The following WDR59 variants were observed in gnomAD, a reference collection of about 807,000 sequenced individuals.
WDR59 encodes the protein WD repeat domain 59.
Under a neutral mutation model 131.2 loss-of-function variants are expected in WDR59, and 100 were observed. The observed-to-expected ratio is 0.76, with a 90% CI of 0.65 to 0.90. The LOEUF (loss-of-function observed/expected upper bound fraction) is 0.90. WDR59 is among the 40% of genes least tolerant of loss of function. The pLI is 0.00. For missense variants in WDR59, 1,203 were observed against 1,262.2 expected (o/e 0.95, Z 0.71); for synonymous variants, 601 against 466.2 (o/e 1.29, Z -3.72).
At position 74,896,504 on chromosome 16, in the gene WDR59, G is replaced by A. The variant is rs969667581; in HGVS notation, c.1867-2692C>T. ...ACAAAAATTAGCAGGGCATGGGGGC[G>A]TGGACCTGTGGTCCCAGCTATTCGG... On this transcript the variant is annotated intron_variant, in intron 18 of 25. Coordinates refer to ENST00000262144, the MANE Select transcript of WDR59 (RefSeq NM_030581.4). 5.9e-5 allele frequency among the ~76,000 whole-genome samples: 9 copies of A among 152,178 alleles called. No homozygotes were observed. In the South Asian group the frequency reaches 1.2e-3, roughly 21 times the overall value.
At chr16:74,979,907 G>A (rs2034335458) in intron 1 of WDR59, among the ~76,000 whole-genome samples, 1 of 139,810 alleles carries the variant, frequency 7.2e-6, no homozygotes, top group Non-Finnish European at 1.5e-5. Context: ...GGAGTGCAAT[G>A]GCGTGATCTC....
intron 8 of WDR59, among the ~76,000 whole-genome samples, chr16:74,929,016 AG>A (rs2031137709): frequency 1.3e-5 from 2 of 152,146 alleles, no homozygotes; most frequent in African/African-American, 4.8e-5. Flanking sequence ...ACAACTCAAT[AG>A]GAAAAAAATC....
intron 18 of WDR59, among the ~76,000 whole-genome samples, chr16:74,897,471 T>C (rs1197860269): frequency 6.6e-6 from 1 of 152,258 alleles, no homozygotes; most frequent in African/African-American, 2.4e-5. Context: ...GATGCAAATA[T>C]AGACAGTGGT....
chr16:74,926,101 C>A (rs1187947975), intron 8 of WDR59, among the ~76,000 whole-genome samples: 2 of 147,094 alleles, frequency 1.4e-5, no homozygotes, highest in Non-Finnish European at 3.0e-5. Context: ...CTCTTGTTGC[C>A]CAGGCTGGAG....
Position 74,893,780 on chromosome 16 carries a change from T to C in WDR59, c.1899A>G (p.Gly633=), listed in dbSNP as rs1211620955. The C allele has an allele frequency of 2.5e-6, 4 of 1,614,042 alleles. No homozygotes were observed. The highest frequency in any genetic ancestry group is 4.5e-5 in the East Asian group (2 of 44,894). The change falls in exon 19 of 26, where the codon GGA becomes GGG. Residue 633 remains glycine (G), a synonymous_variant. Coordinates refer to ENST00000262144, the MANE Select transcript of WDR59 (RefSeq NM_030581.4). ...TGATCTGTCGATTGCCAGAGTCTGA[T>C]CCCTCACGCTTACTTTTCCATCGTC... is the stretch of plus-strand genomic sequence containing the variant. The part of the protein sequence containing the change: ...KSRRWKSKRE[G]SDSGNRQIKA...
chr16:74,942,124 A>G (rs1297355451), intron 7 of WDR59, among the ~76,000 whole-genome samples: 1 of 152,038 alleles, frequency 6.6e-6, no homozygotes, highest in Non-Finnish European at 1.5e-5. Flanking sequence ...TAGACTTTCC[A>G]TTACAGCCAC....
chr16:74,942,300 T>C (rs2032296351), intron 7 of WDR59, among the ~76,000 whole-genome samples: 1 of 152,084 alleles, frequency 6.6e-6, no homozygotes, highest in African/African-American at 2.4e-5. Context: ...ATTGGAAGTA[T>C]TCAGGATGGC....
At chr16:74,974,851 G>A (rs941505558) in intron 1 of WDR59, among the ~76,000 whole-genome samples, 2 of 152,162 alleles carry the variant, frequency 1.3e-5, no homozygotes, top group African/African-American at 4.8e-5. Context: ...AGCATATACT[G>A]TGTGCGTCTA....
chr16:74,910,121 C>G (rs1018865362), intron 14 of WDR59, among the ~76,000 whole-genome samples: 4 of 151,992 alleles, frequency 2.6e-5, no homozygotes, highest in African/African-American at 9.7e-5. Flanking sequence ...GCGCCCACCC[C>G]CATGCCTGGC....
Position 74,922,091 on chromosome 16 carries a change from C to T in WDR59, c.742G>A (p.Gly248Arg). 1 of 1,614,118 alleles carries T rather than the reference C, an allele frequency of 6.2e-7. No homozygotes were observed. The highest frequency in any genetic ancestry group is 8.5e-7 in the Non-Finnish European group (1 of 1,180,002). Residue 248 changes from glycine (G) to arginine (R), a missense_variant, in exon 10 of 26, where the codon GGA (glycine) becomes AGA (arginine). Coordinates refer to ENST00000262144, the MANE Select transcript of WDR59 (RefSeq NM_030581.4). ...WKARYTPFSN[G>R]LVTVMVPQLR... Reference sequence around the variant, plus strand: ...TGGGGAACCATCACAGTCACCAATCCATTGCTGAAAGGCTAAGGCAGGGAA... The same window carrying T: ...TGGGGAACCATCACAGTCACCAATCTATTGCTGAAAGGCTAAGGCAGGGAA...
intron 17 of WDR59, among the ~76,000 whole-genome samples, chr16:74,905,636 T>C (rs13330560): frequency 0.031 from 4,690 of 151,368 alleles, 223 homozygotes; most frequent in African/African-American, 0.1. Flanking sequence ...GAGCCAAGAT[T>C]GCACCACTGC....
chr16:74,913,841 T>C (rs535793194), intron 13 of WDR59, among the ~76,000 whole-genome samples: 44 of 152,230 alleles, frequency 2.9e-4, no homozygotes, highest in Non-Finnish European at 5.3e-4. Flanking sequence ...GAATATGTTC[T>C]GGAATCAGAC....
rs1964074344 is a variant in WDR59, at chr16:74,873,880, T to TA, written c.*328dup. ...GCTCGGTGGTTTAAGGCTAACACCT[T>TA]ACAGGGTAACACTGTAACACTGGCC... On this transcript the variant is annotated 3_prime_UTR_variant, in exon 26 of 26. Coordinates refer to ENST00000262144, the MANE Select transcript of WDR59 (RefSeq NM_030581.4). 3 of 293,176 alleles carry TA rather than the reference T, an allele frequency of 1.0e-5. No homozygotes were observed. The highest frequency in any genetic ancestry group is 2.0e-5 in the Non-Finnish European group (3 of 153,844). 18.2% of individuals were successfully genotyped at this position (293,176 alleles called of 1,614,324 possible). A position where few individuals can be genotyped will look rare whatever the true frequency, so the allele number is the denominator to read the frequency against.
Position 74,905,970 on chromosome 16 carries a change from A to G in WDR59, c.1713-1870T>C, listed in dbSNP as rs75888109. ...AGATACCCAAATGGTCAATATGCAC[A>G]CAGAAGCTGCTCGACATCATTCATC... On this transcript the variant is annotated intron_variant, in intron 17 of 25. Transcript: ENST00000262144. 6.4e-3 allele frequency among the ~76,000 whole-genome samples: 973 copies of G among 152,198 alleles called. 6 individuals are homozygous for G. Among genetic ancestry groups the G allele is most frequent in the Non-Finnish European group, 0.011 (732 of 68,012 alleles).
chr16:74,901,768 G>C (rs1332815391), intron 18 of WDR59, among the ~76,000 whole-genome samples: 1 of 152,114 alleles, frequency 6.6e-6, no homozygotes, highest in Non-Finnish European at 1.5e-5. Flanking sequence ...AAACTAGGCA[G>C]CTGAGGATTA....
At chr16:74,936,144 A>T (rs549926854) in intron 8 of WDR59, among the ~76,000 whole-genome samples, 1 of 152,168 alleles carries the variant, frequency 6.6e-6, no homozygotes, top group Admixed American at 6.6e-5. Context: ...AGCCTCCCAA[A>T]GTGCTGGGAT....
intron 8 of WDR59, among the ~76,000 whole-genome samples, chr16:74,924,632 G>A (rs760157255): frequency 6.6e-6 from 1 of 152,148 alleles, no homozygotes; most frequent in Non-Finnish European, 1.5e-5. Context: ...AACTACCTTA[G>A]AGACACCTAT....
chr16:74,874,544 G>T, intron 25 of WDR59, 100 bp from the exon 26 acceptor site: 1 of 877,372 alleles, frequency 1.1e-6, no homozygotes, highest in Non-Finnish European at 1.8e-6. Flanking sequence ...TTCCTCTCAA[G>T]ACTCTAGCAG....
intron 17 of WDR59, among the ~76,000 whole-genome samples, chr16:74,905,221 C>A (rs1358206023): frequency 6.6e-6 from 1 of 151,670 alleles, no homozygotes; most frequent in Non-Finnish European, 1.5e-5. Context: ...ACTAAAAATA[C>A]AAAATTAGCC....
Sources: allele counts gnomAD v4.1 joint callset (sites outside exome capture counted in the v4.1 genomes callset), GRCh38; gene constraint gnomAD v4.1.1; transcripts MANE v1.5; gene names NCBI Gene and HGNC (gene_info 2026-07-23, HGNC 2026-07-21).